IL1RAPL2: variants seen among roughly 807,000 people sequenced by gnomAD.
The protein encoded by IL1RAPL2 is interleukin 1 receptor accessory protein like 2.
A neutral mutation model predicts 44.1 loss-of-function variants in IL1RAPL2; 3 were observed. The ratio of observed to expected loss-of-function variants is 0.07; its 90% CI spans 0.03 to 0.18. The LOEUF is 0.18. Among genes scored for constraint, IL1RAPL2 ranks in the 10% least tolerant of loss-of-function variants. The pLI is 1.00. For missense variants in IL1RAPL2, 391 were observed against 496.4 expected, an observed-to-expected ratio of 0.79 and a Z score of 2.02; for synonymous variants, 181 against 178.8, an observed-to-expected ratio of 1.01 and a Z score of -0.10.
intron 6 of IL1RAPL2, among the ~76,000 whole-genome samples, chrX:105,677,801 A>C (rs1478998421): frequency 1.8e-5 from 2 of 111,857 alleles, no homozygotes; most frequent in Non-Finnish European, 3.8e-5. Flanking sequence ...AGGGGGCCAA[A>C]ATTGTCCCTA....
intron 2 of IL1RAPL2, among the ~76,000 whole-genome samples, chrX:104,805,191 C>T (rs992082795): frequency 2.7e-5 from 3 of 111,645 alleles, no homozygotes; most frequent in African/African-American, 9.8e-5. Context: ...CCCATAGAAT[C>T]TTAGACTCAC....
intron 6 of IL1RAPL2, among the ~76,000 whole-genome samples, chrX:105,554,839 A>T (rs758069648): frequency 9.0e-6 from 1 of 111,112 alleles, no homozygotes; most frequent in Admixed American, 9.6e-5. Context: ...AGCTGTTTGG[A>T]AGTTCTTACA....
intron 2 of IL1RAPL2, among the ~76,000 whole-genome samples, chrX:104,689,489 CT>C (rs1931052580): frequency 1.8e-5 from 2 of 111,143 alleles, no homozygotes; most frequent in South Asian, 3.8e-4. Flanking sequence ...AGAGCTGCCC[CT>C]AGGTCAGTGT....
At chrX:105,057,754 GTTATT>G (rs1014785731) in intron 2 of IL1RAPL2, among the ~76,000 whole-genome samples, 6 of 108,717 alleles carry the variant, frequency 5.5e-5, no homozygotes, top group African/African-American at 2.1e-4. Flanking sequence ...TGACTGATTG[GTTATT>G]TTATTTTTAT....
intron 5 of IL1RAPL2, among the ~76,000 whole-genome samples, chrX:105,461,517 C>A (rs1415843358): frequency 9.0e-6 from 1 of 111,045 alleles, no homozygotes; most frequent in Non-Finnish European, 1.9e-5. Flanking sequence ...TAAAAAAAAT[C>A]TGAACACAAA....
At chrX:105,610,804 A>G (rs1053715118) in intron 6 of IL1RAPL2, among the ~76,000 whole-genome samples, 2 of 112,131 alleles carry the variant, frequency 1.8e-5, no homozygotes, top group Non-Finnish European at 3.8e-5. Context: ...ATAAACAACT[A>G]TGTTACTGTT....
intron 6 of IL1RAPL2, among the ~76,000 whole-genome samples, chrX:105,670,546 G>A (rs757655418): frequency 2.8e-5 from 3 of 106,629 alleles, no homozygotes; most frequent in African/African-American, 6.8e-5. Flanking sequence ...TGATGCCCCC[G>A]CCTCAGCCTC....
At chrX:105,750,797 A>G (rs772046551) in intron 9 of IL1RAPL2, among the ~76,000 whole-genome samples, 2 of 110,196 alleles carry the variant, frequency 1.8e-5, no homozygotes, top group South Asian at 3.9e-4. Context: ...AATATGATCA[A>G]TTACCCTCAG....
intron 2 of IL1RAPL2, among the ~76,000 whole-genome samples, chrX:105,118,611 A>G (rs940528135): frequency 8.9e-6 from 1 of 112,344 alleles, no homozygotes; most frequent in African/African-American, 3.2e-5. Flanking sequence ...GAAAAAAAGG[A>G]AAAGGAAAAC....
chrX:105,185,160 T>C (rs1360359134), intron 2 of IL1RAPL2, among the ~76,000 whole-genome samples: 2 of 111,749 alleles, frequency 1.8e-5, no homozygotes, highest in Admixed American at 9.5e-5. Flanking sequence ...TCTATGTATA[T>C]AAGAGCCTAA....
chrX:104,905,786 G>C (rs1923975728), intron 2 of IL1RAPL2, among the ~76,000 whole-genome samples: 1 of 111,234 alleles, frequency 9.0e-6, no homozygotes, highest in Non-Finnish European at 1.9e-5. Flanking sequence ...TGGCGATCTG[G>C]GCTCTTTTTT....
chrX:105,661,391 C>T (rs1206333633), intron 6 of IL1RAPL2, among the ~76,000 whole-genome samples: 2 of 111,739 alleles, frequency 1.8e-5, no homozygotes, highest in African/African-American at 6.5e-5. Context: ...AACAAAGAAA[C>T]ATTGAATTTA....
chrX:104,908,300 T>G (rs1924102568), intron 2 of IL1RAPL2, among the ~76,000 whole-genome samples: 1 of 111,849 alleles, frequency 8.9e-6, no homozygotes, highest in African/African-American at 3.2e-5. Flanking sequence ...TTAGTCCATT[T>G]ACATTTAAAG....
At chrX:105,011,907 G>T (rs1309578192) in intron 2 of IL1RAPL2, among the ~76,000 whole-genome samples, 3 of 110,665 alleles carry the variant, frequency 2.7e-5, no homozygotes, top group Non-Finnish European at 5.7e-5. Flanking sequence ...CAGTTACATA[G>T]ATTCCTATGG....
intron 4 of IL1RAPL2, among the ~76,000 whole-genome samples, chrX:105,254,953 T>C (rs912746777): frequency 8.9e-6 from 1 of 111,879 alleles, no homozygotes; most frequent in African/African-American, 3.2e-5. Context: ...TTAGTTGCTG[T>C]ACCCCTGTAG....
rs759691465 is a variant in IL1RAPL2 at position 104,589,801 on chromosome X, CAT to C, written c.-20+22751_-20+22752del. Reference sequence around the variant, plus strand: ...CACTTTGTTTTGAGAAAGCGAACCACATGTTTGCCTTAGTAAGACCCTCTAAT... The same window carrying C: ...CACTTTGTTTTGAGAAAGCGAACCACGTTTGCCTTAGTAAGACCCTCTAAT... On this transcript the variant is annotated intron_variant, in intron 1 of 10. Transcript: ENST00000372582. 3.6e-5 allele frequency among the ~76,000 whole-genome samples: 4 copies of C among 111,210 alleles called. No homozygotes were observed. The East Asian group carries it at 1.1e-3, about 32-fold the overall frequency.
intron 6 of IL1RAPL2, among the ~76,000 whole-genome samples, chrX:105,646,956 C>A (rs1002190620): frequency 4.4e-5 from 5 of 112,481 alleles, no homozygotes; most frequent in Non-Finnish European, 9.4e-5. Flanking sequence ...TGGCGGCAAG[C>A]CTTTTGTTCT....
intron 5 of IL1RAPL2, among the ~76,000 whole-genome samples, chrX:105,433,686 C>T (rs1384393353): frequency 2.7e-5 from 3 of 111,105 alleles, no homozygotes; most frequent in African/African-American, 9.8e-5. Flanking sequence ...AAGAGGGGAT[C>T]ACAGACTCAA....
At chrX:104,809,267 G>A (rs1420336482) in intron 2 of IL1RAPL2, among the ~76,000 whole-genome samples, 1 of 111,707 alleles carries the variant, frequency 9.0e-6, no homozygotes, top group Admixed American at 9.5e-5. Context: ...GGGTCAAATG[G>A]TATTTCTAGT....
Sources: allele counts gnomAD v4.1 joint callset (sites outside exome capture counted in the v4.1 genomes callset), GRCh38; gene constraint gnomAD v4.1.1; transcripts MANE v1.5; gene names NCBI Gene and HGNC (gene_info 2026-07-23, HGNC 2026-07-21).